NAALADL2: variants seen among roughly 807,000 people sequenced by gnomAD.
NAALADL2 encodes the protein inactive N-acetylated-alpha-linked acidic dipeptidase-like protein 2.
NAALADL2 carries 76 observed loss-of-function variants against 87.2 expected under a neutral mutation model. The ratio of observed to expected loss-of-function variants is 0.87; its 90% CI spans 0.72 to 1.05. NAALADL2 has a LOEUF of 1.05. Among genes scored for constraint, NAALADL2 ranks in the 50% least tolerant of loss-of-function variants. NAALADL2 has a pLI of 0.00. For missense variants in NAALADL2, 1,089 were observed against 945.8 expected, an observed-to-expected ratio of 1.15 and a Z score of -1.99; for synonymous variants, 354 against 331.0, an observed-to-expected ratio of 1.07 and a Z score of -0.75.
intron 3 of NAALADL2, among the ~76,000 whole-genome samples, chr3:175,238,034 C>A (rs894395087): frequency 6.6e-6 from 1 of 151,968 alleles, no homozygotes; most frequent in Non-Finnish European, 1.5e-5. Flanking sequence ...TTATTTTTTT[C>A]ATTTTGCTAA....
Position 174,932,238 on chromosome 3 carries a change from A to G in NAALADL2, c.43+72788A>G, listed in dbSNP as rs550475949. ...TACCAGCTAGGATATCTCTAACAGC[A>G]TATCATTAACCAGGCACCATCAGAT... On this transcript the variant is annotated intron_variant, in intron 1 of 13. Transcript: ENST00000454872. 5.3e-5 allele frequency among the ~76,000 whole-genome samples: 8 copies of G among 152,306 alleles called. No individual in the cohort carries two copies. In the East Asian group the frequency reaches 1.5e-3, roughly 29 times the overall value.
chr3:175,625,147 A>G (rs902434836), intron 10 of NAALADL2, among the ~76,000 whole-genome samples: 3 of 152,038 alleles, frequency 2.0e-5, no homozygotes, highest in African/African-American at 4.8e-5. Context: ...GAAAAGTGTA[A>G]TATAAAAACG....
chr3:175,012,300 G>A (rs1416392031), intron 1 of NAALADL2, among the ~76,000 whole-genome samples: 3 of 152,014 alleles, frequency 2.0e-5, no homozygotes, highest in African/African-American at 7.3e-5. Context: ...GAGTAGGTGG[G>A]ATTACAGGTA....
intron 13 of NAALADL2, among the ~76,000 whole-genome samples, chr3:175,777,631 T>C (rs1430187913): frequency 6.6e-6 from 1 of 152,128 alleles, no homozygotes; most frequent in Non-Finnish European, 1.5e-5. Flanking sequence ...TACAAGGGTA[T>C]GTGACTAGTG....
At chr3:174,699,239 T>G (rs1444430618) in intron 2 of NAALADL2, among the ~76,000 whole-genome samples, 1 of 152,176 alleles carries the variant, frequency 6.6e-6, no homozygotes, top group African/African-American at 2.4e-5. Context: ...GGCTCATGCC[T>G]GTAATCCCGG....
At chr3:175,619,043 C>T (rs6807278) in intron 10 of NAALADL2, among the ~76,000 whole-genome samples, 2,850 of 152,156 alleles carry the variant, frequency 0.019, 97 homozygotes, top group African/African-American at 0.064. Flanking sequence ...GGAATAGAAT[C>T]TGGGACAAAA....
chr3:175,459,553 A>G (rs1195918105), intron 6 of NAALADL2, among the ~76,000 whole-genome samples: 6 of 152,110 alleles, frequency 3.9e-5, no homozygotes, highest in Non-Finnish European at 5.9e-5. Flanking sequence ...ATTTTTCCAG[A>G]AAAAAAGGAA....
chr3:174,469,297 G>T (rs1382631518), intron 1 of NAALADL2, among the ~76,000 whole-genome samples: 1 of 149,502 alleles, frequency 6.7e-6, no homozygotes, highest in African/African-American at 2.5e-5. Flanking sequence ...TCGCTCTGTC[G>T]CCCAGGCTGT....
chr3:174,742,899 T>G (rs560876698), intron 3 of NAALADL2, among the ~76,000 whole-genome samples: 3 of 151,734 alleles, frequency 2.0e-5, no homozygotes, highest in Non-Finnish European at 4.4e-5. Flanking sequence ...TGTGTTTTTT[T>G]TGTGTCTCAT....
At chr3:175,161,503 A>C (rs1733208363) in intron 2 of NAALADL2, among the ~76,000 whole-genome samples, 1 of 152,142 alleles carries the variant, frequency 6.6e-6, no homozygotes, top group African/African-American at 2.4e-5. Flanking sequence ...TCTCAAGACT[A>C]AAATTCCCAG....
intron 1 of NAALADL2, among the ~76,000 whole-genome samples, chr3:174,945,631 G>A (rs372835453): frequency 9.9e-5 from 15 of 152,248 alleles, no homozygotes; most frequent in Admixed American, 5.9e-4. Flanking sequence ...ACATTTGAAC[G>A]TGGCTTGGTT....
intron 11 of NAALADL2, among the ~76,000 whole-genome samples, chr3:175,677,917 A>T (rs1735043008): frequency 6.6e-6 from 1 of 152,086 alleles, no homozygotes; most frequent in Admixed American, 6.6e-5. Context: ...TCTCCACTTT[A>T]CCTGAGTAGG....
chr3:175,212,786 C>T (rs1414354185), intron 2 of NAALADL2, among the ~76,000 whole-genome samples: 1 of 152,070 alleles, frequency 6.6e-6, no homozygotes, highest in African/African-American at 2.4e-5. Flanking sequence ...TTTACCTAGA[C>T]TTAAAGAAAT....
At chr3:175,628,486 C>T (rs1582686405) in intron 11 of NAALADL2, among the ~76,000 whole-genome samples, 1 of 151,050 alleles carries the variant, frequency 6.6e-6, no homozygotes, top group East Asian at 1.9e-4. Context: ...ATGTTCCTGA[C>T]ATCACATGGC....
At position 174,915,902 on chromosome 3, in the gene NAALADL2, G is replaced by A. The variant is rs979213097; in HGVS notation, c.43+56452G>A. Among the ~76,000 whole-genome samples the A allele has an allele frequency of 2.0e-5, 3 of 152,098 alleles. No homozygotes were observed. In the East Asian group the frequency reaches 5.8e-4, roughly 29 times the overall value. ...GACCTAACCAAACTAAAAAGCTTCTGCACAGCAAAAGAAATAATCAGCAGA... is the reference window on the plus strand; with the variant it reads ...GACCTAACCAAACTAAAAAGCTTCTACACAGCAAAAGAAATAATCAGCAGA... On this transcript the variant is annotated intron_variant, in intron 1 of 13. Coordinates refer to ENST00000454872, the MANE Select transcript of NAALADL2 (RefSeq NM_207015.3).
intron 2 of NAALADL2, among the ~76,000 whole-genome samples, chr3:175,216,809 C>T (rs1044006675): frequency 4.1e-4 from 62 of 151,634 alleles, no homozygotes; most frequent in African/African-American, 1.3e-3. Context: ...CCTGGGATTA[C>T]GGGTGCCCCC....
chr3:174,751,670 A>AAAAC (rs1438033485), intron 3 of NAALADL2, among the ~76,000 whole-genome samples: 1 of 151,758 alleles, frequency 6.6e-6, no homozygotes, highest in Non-Finnish European at 1.5e-5. Flanking sequence ...CTCAAAAAAA[A>AAAAC]AAAAAAAAAG....
chr3:175,151,671 C>T (rs1731564043), intron 2 of NAALADL2, among the ~76,000 whole-genome samples: 1 of 152,086 alleles, frequency 6.6e-6, no homozygotes, highest in Admixed American at 6.6e-5. Flanking sequence ...AATGATTTGA[C>T]TACCCATCAT....
At chr3:175,588,143 A>G (rs1431807877) in intron 10 of NAALADL2, among the ~76,000 whole-genome samples, 1 of 152,210 alleles carries the variant, frequency 6.6e-6, no homozygotes. Flanking sequence ...ATGCCAAAAG[A>G]CAGTAACGCC....
Sources: allele counts gnomAD v4.1 joint callset (sites outside exome capture counted in the v4.1 genomes callset), GRCh38; gene constraint gnomAD v4.1.1; transcripts MANE v1.5; gene names NCBI Gene and HGNC (gene_info 2026-07-23, HGNC 2026-07-21).